VWF: variants seen among roughly 807,000 people sequenced by gnomAD.
The protein encoded by VWF is Factor VIII related antigen.
A neutral mutation model predicts 308.6 loss-of-function variants in VWF; 176 were observed. That is an observed-to-expected ratio of 0.57 (90% CI 0.50 to 0.65). The LOEUF is 0.65. Among genes scored for constraint, VWF ranks in the 30% least tolerant of loss-of-function variants. The pLI is 0.00. For missense variants in VWF, 3,146 were observed against 3,648.2 expected (o/e 0.86, Z 3.55); for synonymous variants, 1,385 against 1,443.4 (o/e 0.96, Z 0.92).
At position 6,019,237 on chromosome 12, in the gene VWF, G is replaced by A. The variant is rs1033516182; in HGVS notation, c.4181C>T (p.Ser1394Phe). 5.6e-6 allele frequency: 9 copies of A among 1,613,822 alleles called. No individual in the cohort carries two copies. In the African/African-American group the frequency reaches 8.0e-5, roughly 14 times the overall value. The stretch of plus-strand genomic sequence containing the variant: ...CTGGACGTAGCGGACAAAGTTCCGG[G>A]ACATCCGTTGGGGCTCCTGGCTGGC... ...LMASQEPQRM[S>F]RNFVRYVQGL... The change falls in exon 28 of 52, where the codon TCC (serine) becomes TTC (phenylalanine). Residue 1394 changes from serine (S) to phenylalanine (F), a missense_variant. Ser to Phe is a radical substitution (Grantham distance 155, BLOSUM62 -2). Around this residue, in one of 3 missense-constraint regions of VWF, gnomAD observed 853 missense variants for 1,177.8 expected, o/e 0.72. Transcript: ENST00000261405. The surrounding 1 kb of genome is among the most constrained non-coding windows in gnomAD (Gnocchi z 5.8).
At position 5,949,834 on chromosome 12, in the gene VWF, C is replaced by G; in HGVS notation, c.8205G>C (p.Lys2735Asn). The change falls in exon 51 of 52, where the codon AAG (lysine) becomes AAC (asparagine). Residue 2735 changes from lysine to asparagine, a missense_variant. Transcript: ENST00000261405. ...NDITARLQYV[K>N]VGSCKSEVEV... is the part of the protein sequence containing the mutation. Reference sequence around the variant, plus strand: ...CTACTTCAGACTTACAGCTTCCCACCTTGACATACTGCAGCCTGGCAGTGA... The same window carrying G: ...CTACTTCAGACTTACAGCTTCCCACGTTGACATACTGCAGCCTGGCAGTGA... The G allele has an allele frequency of 6.2e-7, 1 of 1,614,168 alleles. No homozygotes were observed. Among genetic ancestry groups the G allele is most frequent in the Non-Finnish European group, 8.5e-7 (1 of 1,180,026 alleles).
At chr12:5,964,850 A>G (rs11063961) in intron 47 of VWF, among the ~76,000 whole-genome samples, 23,447 of 152,180 alleles carry the variant, frequency 0.15, 2,348 homozygotes, top group Middle Eastern at 0.27. Context: ...TTTGGAAGAA[A>G]AGGGAAAGGA....
chr12:6,123,071 G>A (rs1006552982), intron 2 of VWF, 71 bp downstream of exon 2: 5 of 1,591,256 alleles, frequency 3.1e-6, no homozygotes, highest in African/African-American at 1.3e-5. Flanking sequence ...CACACCTGCT[G>A]ATTCCCGGAA....
chr12:6,014,141 GAA>G (rs1262612857), intron 31 of VWF, among the ~76,000 whole-genome samples: 3 of 152,032 alleles, frequency 2.0e-5, no homozygotes, highest in South Asian at 4.2e-4. Context: ...CAAGCAGAGA[GAA>G]GAGTGAGTGC....
chr12:6,081,668 G>A (rs1470080905), intron 6 of VWF, among the ~76,000 whole-genome samples: 1 of 152,090 alleles, frequency 6.6e-6, no homozygotes, highest in Admixed American at 6.5e-5. Flanking sequence ...TGAGGTCCAG[G>A]GATCGCCTAG....
chr12:6,056,648 C>T (rs73036509), intron 15 of VWF, among the ~76,000 whole-genome samples: 1 of 152,006 alleles, frequency 6.6e-6, no homozygotes, highest in Non-Finnish European at 1.5e-5. Flanking sequence ...CTGGAACAGG[C>T]CCGAATCATC....
chr12:5,976,088 T>C, intron 43 of VWF, 23 bp downstream of exon 43: 6 of 1,613,116 alleles, frequency 3.7e-6, no homozygotes, highest in Non-Finnish European at 5.1e-6. Context: ...GCTGCAGGCA[T>C]GCCCAGCCCC....
In VWF at chr12:6,057,899, T is replaced by C. The variant is rs754526458; in HGVS notation, c.1679A>G (p.Gln560Arg). ...GNAWKLHGDC[Q>R]DLQKQHSDPC... The stretch of plus-strand genomic sequence containing the variant: ...ATCGCTGTGCTGCTTCTGCAGGTCC[T>C]GGCAGTCCCCGTGCAGCTTCCAGGC... The change falls in exon 14 of 52, where the codon CAG becomes CGG. Residue 560 changes from glutamine (Q) to arginine (R), a missense_variant. By Grantham distance (43) the Gln-to-Arg change is conservative. This residue lies in a region of VWF where 1,304 missense variants were observed against 1,353.0 expected (regional missense o/e 0.96). Coordinates refer to ENST00000261405, the MANE Select transcript of VWF (RefSeq NM_000552.5). The C allele has an allele frequency of 9.3e-6, 15 of 1,612,644 alleles. No individual in the cohort carries two copies. The highest frequency in any genetic ancestry group is 1.2e-5 in the Non-Finnish European group (14 of 1,179,368).
At chr12:5,989,711 G>T (rs543995174) in intron 38 of VWF, among the ~76,000 whole-genome samples, 30 of 152,308 alleles carry the variant, frequency 2.0e-4, no homozygotes, top group African/African-American at 7.2e-4. Context: ...AAAGGATAGG[G>T]GTTTGGAGAC....
chr12:6,028,797 T>C (rs572566037), intron 22 of VWF, among the ~76,000 whole-genome samples: 7 of 152,298 alleles, frequency 4.6e-5, no homozygotes, highest in Admixed American at 1.3e-4. Context: ...TACCAGCCAC[T>C]GCAAAAACAT....
At chr12:6,077,497 C>T (rs1332672517) in intron 6 of VWF, among the ~76,000 whole-genome samples, 1 of 152,204 alleles carries the variant, frequency 6.6e-6, no homozygotes, top group Non-Finnish European at 1.5e-5. Flanking sequence ...CGGGCACCCA[C>T]GGCATGGCTA....
chr12:6,068,769 A>G (rs1176040626), intron 10 of VWF, among the ~76,000 whole-genome samples: 3 of 149,830 alleles, frequency 2.0e-5, no homozygotes, highest in South Asian at 2.1e-4. Flanking sequence ...GATTACAGGC[A>G]TGAGCTGCCG....
rs61750624 is a variant in VWF, at chr12:5,991,818, C to A, written c.6798+1G>T. The A allele has an allele frequency of 6.2e-6, 10 of 1,613,912 alleles. No individual in the cohort carries two copies. Among genetic ancestry groups the A allele is most frequent in the Non-Finnish European group, 8.5e-6 (10 of 1,179,996 alleles). Reference sequence around the variant, plus strand: ...GGGAAGTGAAAGGCCCAGGCTCCTACCTGGTGCTGGACTCCATCCTCACCA... The same window carrying A: ...GGGAAGTGAAAGGCCCAGGCTCCTAACTGGTGCTGGACTCCATCCTCACCA... On this transcript the variant is annotated splice_donor_variant, in intron 38 of 51. Coordinates refer to ENST00000261405, the MANE Select transcript of VWF (RefSeq NM_000552.5). LOFTEE classifies it high-confidence loss of function.
chr12:6,124,181 T>A (rs1235496866), intron 1 of VWF, among the ~76,000 whole-genome samples: 1 of 152,124 alleles, frequency 6.6e-6, no homozygotes, highest in Non-Finnish European at 1.5e-5. Flanking sequence ...TCATTCCAAC[T>A]CATTTGAGTG....
At chr12:5,953,017 A>T (rs986491892) in intron 48 of VWF, among the ~76,000 whole-genome samples, 6 of 152,186 alleles carry the variant, frequency 3.9e-5, no homozygotes, top group Non-Finnish European at 5.9e-5. Flanking sequence ...TCACGAGGTC[A>T]AGAGATCGAG....
At position 6,019,779 on chromosome 12, in the gene VWF, G is replaced by A. The variant is rs370897964; in HGVS notation, c.3675-36C>T. 1.3e-4 allele frequency: 204 copies of A among 1,579,228 alleles called. 1 individual carries two copies. Among genetic ancestry groups the A allele is most frequent in the South Asian group, 9.1e-4 (80 of 87,518 alleles). On this transcript the variant is annotated intron_variant, in intron 27 of 51. Transcript: ENST00000261405. This position sits in a 1 kb window ranked among gnomAD's most constrained non-coding sequence, Gnocchi z 5.8. ...GAGCGAAGAAATTAAAATGGTTCAG[G>A]AAGAACCTGTGGACACTTCTGAGCC...
intron 17 of VWF, among the ~76,000 whole-genome samples, chr12:6,044,704 C>G (rs1264314009): frequency 6.6e-6 from 1 of 152,194 alleles, no homozygotes; most frequent in Non-Finnish European, 1.5e-5. Flanking sequence ...ATGTCCCATA[C>G]TTGTCATCAC....
In VWF at chr12:5,990,868, TAAAAAAAAAAAAA is replaced by T. The variant is rs755717764; in HGVS notation, c.6798+938_6798+950del. Among the ~76,000 whole-genome samples the T allele has an allele frequency of 4.7e-3, 149 of 31,416 alleles. 4 individuals are homozygous for T. The highest frequency in any genetic ancestry group is 0.023 in the Middle Eastern group (1 of 44). The allele number at this position is 31,416 out of a possible 152,430, so 20.6% of individuals were successfully genotyped here. A position where few individuals can be genotyped will look rare whatever the true frequency, so the allele number is the denominator to read the frequency against. On this transcript the variant is annotated intron_variant, in intron 38 of 51. Transcript: ENST00000261405. The stretch of plus-strand genomic sequence containing the variant: ...ATACACTCAATAACTCCCATAGAGC[TAAAAAAAAAAAAA>T]AAAAAAAAAAAAAAAAAAAAAAAAA...
At chr12:6,040,706 A>C (rs1944387110) in intron 18 of VWF, among the ~76,000 whole-genome samples, 3 of 152,178 alleles carry the variant, frequency 2.0e-5, no homozygotes, top group Admixed American at 2.0e-4. Flanking sequence ...ACCACTTAGC[A>C]AAGGGACCCC....
Sources: allele counts gnomAD v4.1 joint callset (sites outside exome capture counted in the v4.1 genomes callset), GRCh38; gene constraint gnomAD v4.1.1; regional missense constraint gnomAD v4.1.1; non-coding constraint Gnocchi (gnomAD v3.1); transcripts MANE v1.5; gene names NCBI Gene and HGNC (gene_info 2026-07-23, HGNC 2026-07-21).